MEMO1: variants seen among roughly 807,000 people sequenced by gnomAD.
MEMO1 encodes protein MEMO1.
Under a neutral mutation model 45.2 loss-of-function variants are expected in MEMO1, and 6 were observed. The observed-to-expected ratio is 0.13, with a 90% confidence interval of 0.07 to 0.26. MEMO1 has a LOEUF of 0.26. Among genes scored for constraint, MEMO1 ranks in the 10% least tolerant of loss-of-function variants. MEMO1 has a pLI of 1.00. For synonymous variants in MEMO1, 78 were observed against 124.3 expected (o/e 0.63, Z 2.48); for missense variants, 184 against 370.5 (o/e 0.50, Z 4.13).
At chr2:31,891,650 T>TA (rs369948361) in intron 7 of MEMO1, among the ~76,000 whole-genome samples, 16 of 152,130 alleles carry the variant, frequency 1.1e-4, no homozygotes, top group African/African-American at 3.9e-4. Flanking sequence ...ACATTGGATT[T>TA]ATCCACCAAA....
chr2:31,893,642 C>A (rs1200724440), intron 6 of MEMO1, among the ~76,000 whole-genome samples: 4 of 152,068 alleles, frequency 2.6e-5, no homozygotes, highest in African/African-American at 9.7e-5. Flanking sequence ...ATGTTCAGAG[C>A]ATAGGTAAGT....
At chr2:31,956,688 C>G (rs1667450968) in intron 2 of MEMO1, among the ~76,000 whole-genome samples, 1 of 152,254 alleles carries the variant, frequency 6.6e-6, no homozygotes, top group South Asian at 2.1e-4. Context: ...AACAATGAAG[C>G]AAAATTTTAT....
chr2:32,010,114 C>G (rs1005255963), intron 2 of MEMO1, 73 bp downstream of exon 2: 1 of 800,472 alleles, frequency 1.2e-6, no homozygotes, highest in Non-Finnish European at 1.5e-6. Context: ...GGGGCCGGGC[C>G]GCCGACCTCG....
At position 31,933,352 on chromosome 2, in the gene MEMO1, T is replaced by TAAAAAA. The variant is rs1558514359; in HGVS notation, c.144-1218_144-1217insTTTTTT. Among the ~76,000 whole-genome samples the TAAAAAA allele has an allele frequency of 2.2e-3, 27 of 12,214 alleles. 1 individual carries two copies. Among genetic ancestry groups the TAAAAAA allele is most frequent in the Middle Eastern group, 0.1 (1 of 10 alleles). 8.0% of individuals were successfully genotyped at this position (12,214 alleles called of 152,430 possible). ...AAAAAAAAAAAAAAAAAAAAAAATT[T>TAAAAAA]ATATATATATATATATATATATATA... On this transcript the variant is annotated intron_variant, in intron 3 of 9. Transcript: ENST00000404530.
chr2:31,916,418 A>G (rs1375463903), intron 6 of MEMO1, among the ~76,000 whole-genome samples: 1 of 152,128 alleles, frequency 6.6e-6, no homozygotes, highest in African/African-American at 2.4e-5. Context: ...TAGTAGAGAC[A>G]GAGTTTTGCC....
At chr2:31,970,426 GTTT>G (rs1246352771) in intron 2 of MEMO1, among the ~76,000 whole-genome samples, 1 of 151,992 alleles carries the variant, frequency 6.6e-6, no homozygotes, top group African/African-American at 2.4e-5. Flanking sequence ...TCTCAGCCTC[GTTT>G]TTATTTTAGC....
chr2:31,916,357 T>G lies in MEMO1; in HGVS notation c.437+1569A>C, dbSNP rs2148146477. 1.3e-5 allele frequency among the ~76,000 whole-genome samples: 2 copies of G among 152,042 alleles called. 1 individual carries two copies. The highest frequency in any genetic ancestry group is 4.1e-4 in the South Asian group (2 of 4,822). On this transcript the variant is annotated intron_variant, in intron 6 of 9. Coordinates refer to ENST00000404530, the MANE Select transcript of MEMO1 (RefSeq NM_001301833.4). ...AATCATCCCACCCCAGCCTCCCAAG[T>G]AGCTGGGACAACAAGCACCCGACAC...
At chr2:31,933,230 G>T (rs1261653581) in intron 3 of MEMO1, among the ~76,000 whole-genome samples, 1 of 145,874 alleles carries the variant, frequency 6.9e-6, no homozygotes, top group Non-Finnish European at 1.5e-5. Context: ...TGAGGCAGGA[G>T]GATTGCTTAA....
At chr2:31,989,729 T>G (rs1008690608) in intron 2 of MEMO1, among the ~76,000 whole-genome samples, 2 of 152,220 alleles carry the variant, frequency 1.3e-5, no homozygotes, top group Non-Finnish European at 2.9e-5. Flanking sequence ...CAACTATATC[T>G]CAATAAAATG....
intron 4 of MEMO1, chr2:31,923,628 G>A: frequency 3.2e-6 from 5 of 1,546,234 alleles, no homozygotes; most frequent in Non-Finnish European, 4.4e-6. Flanking sequence ...GGGCCAGGTA[G>A]TATATGAACC....
chr2:31,918,277 G>A (rs1269480721), intron 5 of MEMO1, among the ~76,000 whole-genome samples: 2 of 152,048 alleles, frequency 1.3e-5, no homozygotes, highest in East Asian at 3.8e-4. Context: ...ACAGTAATAC[G>A]TGTAAAGACT....
At chr2:31,944,167 A>G (rs1385727590) in intron 2 of MEMO1, among the ~76,000 whole-genome samples, 1 of 152,216 alleles carries the variant, frequency 6.6e-6, no homozygotes, top group Non-Finnish European at 1.5e-5. Flanking sequence ...ATGAGACTAA[A>G]GAGAAATACA....
intron 4 of MEMO1, among the ~76,000 whole-genome samples, chr2:31,923,228 T>C (rs747132729): frequency 5.8e-4 from 88 of 152,332 alleles, no homozygotes; most frequent in Admixed American, 2.2e-3. Flanking sequence ...TTAGTGATTA[T>C]GAGAATTTTT....
At chr2:31,963,546 T>C (rs1668268420) in intron 2 of MEMO1, among the ~76,000 whole-genome samples, 2 of 152,208 alleles carry the variant, frequency 1.3e-5, no homozygotes, top group Non-Finnish European at 2.9e-5. Flanking sequence ...CTATATGAAC[T>C]GTGTAGGGTT....
At chr2:31,938,373 G>A (rs567166779) in intron 3 of MEMO1, among the ~76,000 whole-genome samples, 1 of 151,894 alleles carries the variant, frequency 6.6e-6, no homozygotes, top group East Asian at 1.9e-4. Flanking sequence ...AAGGCCAGGC[G>A]CAGTGGCTCA....
intron 2 of MEMO1, among the ~76,000 whole-genome samples, chr2:31,965,211 C>CA (rs1203889935): frequency 2.3e-5 from 3 of 129,732 alleles, no homozygotes; most frequent in East Asian, 2.4e-4. Flanking sequence ...GAAACTCCAT[C>CA]AAAAAAAAGA....
At chr2:31,974,424 A>G (rs1037092387) in intron 2 of MEMO1, among the ~76,000 whole-genome samples, 1 of 152,198 alleles carries the variant, frequency 6.6e-6, no homozygotes, top group African/African-American at 2.4e-5. Context: ...TACTTTTCCA[A>G]TGACTCAAAT....
chr2:31,907,162 C>T (rs1284989727), intron 6 of MEMO1, among the ~76,000 whole-genome samples: 1 of 152,148 alleles, frequency 6.6e-6, no homozygotes, highest in Non-Finnish European at 1.5e-5. Context: ...CATTCAAATG[C>T]CACCCCCTTA....
At chr2:31,947,371 T>C (rs559368396) in intron 2 of MEMO1, among the ~76,000 whole-genome samples, 1 of 152,320 alleles carries the variant, frequency 6.6e-6, no homozygotes, top group African/African-American at 2.4e-5. Flanking sequence ...CATACCTATT[T>C]ATTACGTATG....
Sources: allele counts gnomAD v4.1 joint callset (sites outside exome capture counted in the v4.1 genomes callset), GRCh38; gene constraint gnomAD v4.1.1; transcripts MANE v1.5; gene names NCBI Gene and HGNC (gene_info 2026-07-23, HGNC 2026-07-21).